RFWD3: variants seen among roughly 807,000 people sequenced by gnomAD.
RFWD3 encodes E3 ubiquitin-protein ligase RFWD3.
Under a neutral mutation model 87.7 loss-of-function variants are expected in RFWD3, and 65 were observed. That is an observed-to-expected ratio of 0.74 (90% CI 0.61 to 0.91). The LOEUF is 0.91. RFWD3 is among the 40% of genes least tolerant of loss of function. The probability of loss-of-function intolerance (pLI) is 0.00; values close to 1 mark genes in which losing one functional copy is unlikely to be tolerated. For missense variants in RFWD3, 1,078 were observed against 938.5 expected (o/e 1.15, Z -1.94); for synonymous variants, 433 against 352.8 (o/e 1.23, Z -2.55).
chr16:74,651,739 T>C (rs1341379066), intron 3 of RFWD3, among the ~76,000 whole-genome samples, 181 bp downstream of exon 3: 1 of 152,192 alleles, frequency 6.6e-6, no homozygotes, highest in Non-Finnish European at 1.5e-5. Flanking sequence ...AAGCTGTAAG[T>C]CAGATCAAAT....
chr16:74,627,324 T>A (rs1005584876), intron 11 of RFWD3, among the ~76,000 whole-genome samples: 3 of 152,188 alleles, frequency 2.0e-5, no homozygotes, highest in African/African-American at 7.2e-5. Context: ...AACCCAGATG[T>A]ACCCTGTCAA....
chr16:74,661,570 G>A (rs947234288), intron 1 of RFWD3, 119 bp from the exon 2 acceptor site: 8 of 935,884 alleles, frequency 8.5e-6, no homozygotes, highest in Non-Finnish European at 1.3e-5. Flanking sequence ...GCAAGACTGA[G>A]AAGCTTCAAG....
chr16:74,655,030 C>T (rs946260238), intron 2 of RFWD3, among the ~76,000 whole-genome samples: 5 of 152,194 alleles, frequency 3.3e-5, no homozygotes, highest in African/African-American at 1.2e-4. Flanking sequence ...GACATTGAAA[C>T]TGTACCAAGT....
At chr16:74,638,184 T>C (rs1292092222) in intron 6 of RFWD3, among the ~76,000 whole-genome samples, 1 of 151,920 alleles carries the variant, frequency 6.6e-6, no homozygotes, top group Admixed American at 6.6e-5. Context: ...TACTAGAAAA[T>C]GGGGACTAAA....
At chr16:74,645,604 TG>T (rs1231087801) in intron 4 of RFWD3, among the ~76,000 whole-genome samples, 1 of 152,144 alleles carries the variant, frequency 6.6e-6, no homozygotes. Context: ...CCGCCCGCCT[TG>T]GTCTCCCAAA....
At chr16:74,656,509 G>T (rs1961001247) in intron 2 of RFWD3, among the ~76,000 whole-genome samples, 1 of 151,628 alleles carries the variant, frequency 6.6e-6, no homozygotes, top group South Asian at 2.1e-4. Flanking sequence ...TGGAGACAGG[G>T]TCTGGCTCTG....
intron 4 of RFWD3, among the ~76,000 whole-genome samples, chr16:74,647,624 C>T (rs1960252399): frequency 1.3e-5 from 2 of 152,034 alleles, no homozygotes; most frequent in East Asian, 1.9e-4. Flanking sequence ...TGAAGTCGTG[C>T]TCCGTCTCCC....
chr16:74,662,877 G>C (rs1482998033), intron 1 of RFWD3, among the ~76,000 whole-genome samples: 2 of 151,902 alleles, frequency 1.3e-5, no homozygotes, highest in Non-Finnish European at 2.9e-5. Context: ...CAAACAGACA[G>C]CTTTAAGAAT....
At chr16:74,639,289 C>T (rs962183572) in intron 6 of RFWD3, among the ~76,000 whole-genome samples, 18 of 152,188 alleles carry the variant, frequency 1.2e-4, no homozygotes, top group Admixed American at 1.1e-3. Context: ...CCACCTGCCT[C>T]AGCCTCCCAA....
chr16:74,650,233 T>C (rs1321921590), intron 3 of RFWD3, among the ~76,000 whole-genome samples: 3 of 152,234 alleles, frequency 2.0e-5, no homozygotes, highest in Non-Finnish European at 2.9e-5. Flanking sequence ...TTGTAGACTG[T>C]TCTACATTTT....
At chr16:74,635,096 C>T (rs1168989396) in intron 8 of RFWD3, among the ~76,000 whole-genome samples, 2 of 151,902 alleles carry the variant, frequency 1.3e-5, no homozygotes, top group African/African-American at 4.8e-5. Context: ...CTGGCTAACA[C>T]GGTGAAACTC....
At chr16:74,626,187 A>G (rs372258078) in intron 12 of RFWD3, among the ~76,000 whole-genome samples, 156 bp downstream of exon 12, 7 of 152,294 alleles carry the variant, frequency 4.6e-5, no homozygotes, top group African/African-American at 1.7e-4. Flanking sequence ...AAACCAAGCA[A>G]TCTCACATAC....
intron 7 of RFWD3, 129 bp from the exon 8 acceptor site, chr16:74,636,706 A>C: frequency 1.4e-6 from 1 of 732,184 alleles, no homozygotes; most frequent in Non-Finnish European, 2.2e-6. Flanking sequence ...ATCCTAGAGA[A>C]CTGCAGAGTT....
At chr16:74,664,578 C>A (rs1420280326) in intron 1 of RFWD3, 2 of 152,242 alleles carry the variant, frequency 1.3e-5, no homozygotes, top group Non-Finnish European at 1.5e-5. Flanking sequence ...AAAACCCCGT[C>A]TCTACAAAAA....
intron 2 of RFWD3, among the ~76,000 whole-genome samples, chr16:74,659,558 G>A (rs1567586891): frequency 6.6e-6 from 1 of 151,888 alleles, no homozygotes; most frequent in Non-Finnish European, 1.5e-5. Context: ...CTGCGCCACT[G>A]CACTCCAGCC....
chr16:74,626,214 G>T, intron 12 of RFWD3, 129 bp downstream of exon 12: 1 of 769,966 alleles, frequency 1.3e-6, no homozygotes, highest in Non-Finnish European at 2.2e-6. Context: ...ATGCGGATAT[G>T]TGGGATTACA....
At chr16:74,631,038 G>T in intron 9 of RFWD3, 81 bp from the exon 10 acceptor site, 2 of 1,285,696 alleles carry the variant, frequency 1.6e-6, no homozygotes, top group South Asian at 1.5e-5. Context: ...TCATTTAAAT[G>T]ATCATTAATC....
chr16:74,655,725 G>T (rs555955681), intron 2 of RFWD3, among the ~76,000 whole-genome samples: 1 of 146,608 alleles, frequency 6.8e-6, no homozygotes, highest in African/African-American at 2.5e-5. Context: ...GGGTTTCACC[G>T]TGTTAGCCAG....
chr16:74,638,047 T>C (rs932284238), intron 6 of RFWD3, 77 bp from the exon 7 acceptor site: 60 of 883,282 alleles, frequency 6.8e-5, no homozygotes, highest in Non-Finnish European at 4.6e-5. Context: ...CAGAGTTAAG[T>C]TCATGCTATG....
Sources: gnomAD v4.1 joint callset for allele counts (sites outside exome capture counted in the v4.1 genomes callset) on GRCh38, gnomAD v4.1.1 for gene constraint, MANE v1.5 for transcripts, NCBI Gene and HGNC (gene_info 2026-07-23, HGNC 2026-07-21) for gene names.